Variants in MMUT observed in about 807,000 individuals in gnomAD.
MMUT encodes the protein methylmalonyl-CoA mutase, mitochondrial.
Under a neutral mutation model 79.9 loss-of-function variants are expected in MMUT, and 79 were observed. The ratio of observed to expected loss-of-function variants is 0.99; its 90% CI spans 0.82 to 1.19. The LOEUF is 1.19. MMUT is among the 50% of genes most tolerant of loss of function. MMUT has a pLI of 0.00. For synonymous variants in MMUT, 273 were observed against 295.7 expected (o/e 0.92, Z 0.79); for missense variants, 860 against 917.2 (o/e 0.94, Z 0.81).
chr6:49,453,389 G>T (rs1767605586), intron 5 of MMUT, among the ~76,000 whole-genome samples, 196 bp downstream of exon 5: 1 of 151,760 alleles, frequency 6.6e-6, no homozygotes, highest in Non-Finnish European at 1.5e-5. Flanking sequence ...CCACCAGAGG[G>T]AGACAATTTT....
At position 49,456,163 on chromosome 6, in the gene MMUT, C is replaced by A. The variant is rs12175488; in HGVS notation, c.828G>T (p.Glu276Asp). ...MQEAGADAIL[E>D]LAYTLADGLE... is the part of the protein sequence containing the mutation. ...ATCCATCTGCTAAAGTATAGGCCAG[C>A]TCCAGAATGGCATCAGCCCCTGCTT... The change falls in exon 4 of 13, where the codon GAG (glutamate) becomes GAT (aspartate). Residue 276 changes from glutamate to aspartate, a missense_variant. By Grantham distance (45) the Glu-to-Asp change is conservative. Transcript: ENST00000274813. 1 of 1,611,732 alleles carries A rather than the reference C, an allele frequency of 6.2e-7. No individual in the cohort carries two copies. The highest frequency in any genetic ancestry group is 1.1e-5 in the South Asian group (1 of 91,036).
Position 49,441,859 on chromosome 6 carries a change from T to C in MMUT, c.1789A>G (p.Ile597Val). Reference sequence around the variant, plus strand: ...TATTACCTCTTGATAGCAGATGTTATCTCTTTACTTTCTCCAAATTCCTGG... The same window carrying C: ...TATTACCTCTTGATAGCAGATGTTACCTCTTTACTTTCTCCAAATTCCTGG... The part of the protein sequence containing the change: ...YRQEFGESKE[I>V]TSAIKRVHKF... Residue 597 changes from isoleucine to valine, a missense_variant, in exon 10 of 13, where the codon ATA becomes GTA. Ile to Val is a conservative substitution (Grantham distance 29). Transcript: ENST00000274813. 1.2e-6 allele frequency: 2 copies of C among 1,611,748 alleles called. No homozygotes were observed. The highest frequency in any genetic ancestry group is 2.2e-5 in the East Asian group (1 of 44,722).
chr6:49,436,360 C>T (rs1188035315), intron 11 of MMUT, among the ~76,000 whole-genome samples: 1 of 152,090 alleles, frequency 6.6e-6, no homozygotes, highest in East Asian at 1.9e-4. Context: ...AATTCTAGCA[C>T]TTTGGGAGGC....
Position 49,431,504 on chromosome 6 carries a change from A to G in MMUT, c.*224T>C. The stretch of plus-strand genomic sequence containing the variant: ...AGTTCTTGATAAAGTATTGTTATAG[A>G]GAGTATAGAGAGTTTTTAGGGATTT... On this transcript the variant is annotated 3_prime_UTR_variant, in exon 13 of 13. Coordinates refer to ENST00000274813, the MANE Select transcript of MMUT (RefSeq NM_000255.4). 1 of 399,208 alleles carries G rather than the reference A, an allele frequency of 2.5e-6. No individual in the cohort carries two copies. The highest frequency in any genetic ancestry group is 4.6e-6 in the Non-Finnish European group (1 of 216,532). 24.7% of individuals were successfully genotyped at this position (399,208 alleles called of 1,614,324 possible).
At chr6:49,432,744 A>G (rs763174762) in intron 12 of MMUT, among the ~76,000 whole-genome samples, 29 of 152,146 alleles carry the variant, frequency 1.9e-4, no homozygotes, top group Non-Finnish European at 4.3e-4. Context: ...GGCACAAATA[A>G]TACTGCAGGA....
intron 5 of MMUT, among the ~76,000 whole-genome samples, chr6:49,453,378 A>T (rs952406857): frequency 6.6e-6 from 1 of 151,106 alleles, no homozygotes; most frequent in African/African-American, 2.4e-5. Context: ...TATATTGTTA[A>T]CCACCAGAGG....
chr6:49,442,858 A>G (rs553466286), intron 9 of MMUT, among the ~76,000 whole-genome samples: 1 of 152,270 alleles, frequency 6.6e-6, no homozygotes, highest in South Asian at 2.1e-4. Flanking sequence ...CAAGAGTCAC[A>G]TCTAGCACAT....
At position 49,449,205 on chromosome 6, in the gene MMUT, T is replaced by C. The variant is rs75427872; in HGVS notation, c.1333-278A>G. Among the ~76,000 whole-genome samples the C allele has an allele frequency of 0.019, 2,892 of 152,230 alleles. 102 individuals are homozygous for C. Among genetic ancestry groups the C allele is most frequent in the African/African-American group, 0.066 (2,734 of 41,564 alleles). On this transcript the variant is annotated intron_variant, in intron 6 of 12. Coordinates refer to ENST00000274813, the MANE Select transcript of MMUT (RefSeq NM_000255.4). ...AAAGCAACATCAATTCTCTAATCTT[T>C]ATTTTTAGGTACATAAAGTTTTCAT...
At chr6:49,451,205 A>G (rs974303196) in intron 6 of MMUT, among the ~76,000 whole-genome samples, 1 of 152,188 alleles carries the variant, frequency 6.6e-6, no homozygotes, top group Admixed American at 6.5e-5. Context: ...TCTTTGTATG[A>G]GCTTTTTAAT....
chr6:49,457,583 C>A (rs940488797), intron 3 of MMUT, 108 bp downstream of exon 3: 2 of 969,770 alleles, frequency 2.1e-6, no homozygotes, highest in Non-Finnish European at 3.0e-6. Flanking sequence ...ACAAAACATT[C>A]TAAATTTATA....
At chr6:49,443,899 C>T in intron 9 of MMUT, 1 of 370,434 alleles carries the variant, frequency 2.7e-6, no homozygotes, top group South Asian at 2.0e-5. Flanking sequence ...GACAAAGGAG[C>T]ATGTTAAGGG....
intron 11 of MMUT, among the ~76,000 whole-genome samples, chr6:49,436,450 C>T (rs1767131024): frequency 6.6e-6 from 1 of 151,678 alleles, no homozygotes; most frequent in Non-Finnish European, 1.5e-5. Context: ...ACTAAAAATA[C>T]AAAAATTGGC....
chr6:49,444,588 A>G (rs1340813801), intron 9 of MMUT, 51 bp downstream of exon 9: 1 of 1,481,830 alleles, frequency 6.7e-7, no homozygotes, highest in Non-Finnish European at 9.4e-7. Flanking sequence ...CTGAAAAGCT[A>G]AACTGGTCAA....
At chr6:49,456,988 A>C (rs183959905) in intron 3 of MMUT, among the ~76,000 whole-genome samples, 42 of 152,310 alleles carry the variant, frequency 2.8e-4, no homozygotes, top group African/African-American at 9.4e-4. Context: ...CCAAACATAA[A>C]ATGCTTGCTA....
intron 12 of MMUT, among the ~76,000 whole-genome samples, chr6:49,433,713 TGGCA>T (rs1326310401): frequency 6.6e-6 from 1 of 152,232 alleles, no homozygotes; most frequent in African/African-American, 2.4e-5. Flanking sequence ...AAGCTCCACA[TGGCA>T]GAAGCTGTAT....
intron 2 of MMUT, among the ~76,000 whole-genome samples, 167 bp from the exon 3 acceptor site, chr6:49,458,225 C>T (rs1378091628): frequency 2.6e-5 from 4 of 152,172 alleles, no homozygotes; most frequent in African/African-American, 9.7e-5. Flanking sequence ...AAAGATACTT[C>T]ACTTCTTAAG....
Position 49,431,665 on chromosome 6 carries a change from A to C in MMUT, c.*63T>G. 1 of 1,530,678 alleles carries C rather than the reference A, an allele frequency of 6.5e-7. No individual in the cohort carries two copies. 94.8% of individuals were successfully genotyped at this position (1,530,678 alleles called of 1,614,324 possible). On this transcript the variant is annotated 3_prime_UTR_variant, in exon 13 of 13. Transcript: ENST00000274813. ...GAAATTAAATTGAAGACATAGCTTT[A>C]CTCTCTTCTTTGATCATAACTAAAA...
intron 4 of MMUT, 91 bp from the exon 5 acceptor site, chr6:49,453,847 A>T: frequency 1.8e-6 from 2 of 1,107,724 alleles, no homozygotes; most frequent in Non-Finnish European, 2.7e-6. Context: ...TAGAAAATCA[A>T]GGTCTATATT....
chr6:49,436,790 A>G (rs904798261), intron 11 of MMUT, among the ~76,000 whole-genome samples: 5 of 152,180 alleles, frequency 3.3e-5, no homozygotes, highest in African/African-American at 1.2e-4. Flanking sequence ...TTGCAGGAAC[A>G]TGGATGAAGC....
Sources: gnomAD v4.1 joint callset for allele counts (sites outside exome capture counted in the v4.1 genomes callset) on GRCh38, gnomAD v4.1.1 for gene constraint, MANE v1.5 for transcripts, NCBI Gene and HGNC (gene_info 2026-07-23, HGNC 2026-07-21) for gene names.